NELL1: variants seen among roughly 807,000 people sequenced by gnomAD.
NELL1 encodes the protein neural EGFL like 1.
A neutral mutation model predicts 107.4 loss-of-function variants in NELL1; 76 were observed. The observed-to-expected ratio is 0.71, with a 90% confidence interval of 0.59 to 0.86. The LOEUF (loss-of-function observed/expected upper bound fraction) is 0.86, where lower values mean the gene tolerates loss of function less well. Among genes scored for constraint, NELL1 ranks in the 40% least tolerant of loss-of-function variants. The probability of loss-of-function intolerance (pLI) is 0.00; values close to 1 mark genes in which losing one functional copy is unlikely to be tolerated. For synonymous variants in NELL1, 353 were observed against 341.2 expected (o/e 1.03, Z -0.38); for missense variants, 1,024 against 1,005.5 (o/e 1.02, Z -0.25).
chr11:21,544,323 T>C lies in NELL1; in HGVS notation c.1786+9809T>C, dbSNP rs1476627172. Among the ~76,000 whole-genome samples, 6 of 152,112 alleles carry C rather than the reference T, an allele frequency of 3.9e-5. No individual in the cohort carries two copies. In the East Asian group the frequency reaches 7.8e-4, roughly 20 times the overall value. Reference sequence around the variant, plus strand: ...AGAAAATTTATACCATAGGGACTTTTAAATTCCATGTTGAAGACAAAAATA... The same window carrying C: ...AGAAAATTTATACCATAGGGACTTTCAAATTCCATGTTGAAGACAAAAATA... On this transcript the variant is annotated intron_variant, in intron 16 of 19. Coordinates refer to ENST00000357134, the MANE Select transcript of NELL1 (RefSeq NM_006157.5).
intron 13 of NELL1, among the ~76,000 whole-genome samples, chr11:21,157,997 C>T (rs1041505989): frequency 6.6e-6 from 1 of 152,092 alleles, no homozygotes; most frequent in Non-Finnish European, 1.5e-5. Flanking sequence ...GATGCAGACC[C>T]ATCTTCAGTC....
At chr11:20,755,563 T>TTTTTTTATTTATTTA (rs1856256444) in intron 2 of NELL1, among the ~76,000 whole-genome samples, 2 of 19,114 alleles carry the variant, frequency 1.0e-4, no homozygotes, top group Non-Finnish European at 2.8e-4. Context: ...TTTGTTTTTG[T>TTTTTTTATTTATTTA]TTTTTTTTTT....
At chr11:21,499,636 G>T (rs539356603) in intron 15 of NELL1, among the ~76,000 whole-genome samples, 1 of 152,052 alleles carries the variant, frequency 6.6e-6, no homozygotes, top group Non-Finnish European at 1.5e-5. Flanking sequence ...CAGGAGGAAG[G>T]CTCTCTGTAT....
intron 13 of NELL1, 127 bp downstream of exon 13, chr11:21,113,841 TCACCC>T: frequency 1.1e-6 from 1 of 916,196 alleles, no homozygotes; most frequent in Non-Finnish European, 1.6e-6. Flanking sequence ...CTTTATTACT[TCACCC>T]CACCTTTTGA....
At chr11:20,683,617 C>T (rs958652741) in intron 2 of NELL1, among the ~76,000 whole-genome samples, 4 of 152,156 alleles carry the variant, frequency 2.6e-5, no homozygotes, top group Admixed American at 1.3e-4. Context: ...CTTTCTTTAA[C>T]ATTTAACATT....
chr11:20,763,694 G>A (rs560807670), intron 2 of NELL1, among the ~76,000 whole-genome samples: 28 of 152,310 alleles, frequency 1.8e-4, no homozygotes, highest in African/African-American at 6.3e-4. Context: ...GTGCTCTGCC[G>A]AGCCACAGCG....
intron 14 of NELL1, 114 bp downstream of exon 14, chr11:21,229,568 T>A: frequency 1.4e-6 from 2 of 1,388,122 alleles, no homozygotes; most frequent in South Asian, 2.6e-5. Context: ...GGGTTCCTGC[T>A]CCTGGTTTAT....
intron 4 of NELL1, among the ~76,000 whole-genome samples, chr11:20,862,760 A>T (rs994899359): frequency 6.6e-6 from 1 of 152,086 alleles, no homozygotes; most frequent in African/African-American, 2.4e-5. Context: ...GGCCTTCCGC[A>T]GTGTTTGTGT....
rs752902718 is a variant in NELL1, at chr11:20,975,857, T to TATGTGTATTATATATACACATAC, written c.1300+15316_1300+15338dup. Among the ~76,000 whole-genome samples, 197 of 126,090 alleles carry TATGTGTATTATATATACACATAC rather than the reference T, an allele frequency of 1.6e-3. 3 individuals carry two copies. The highest frequency in any genetic ancestry group is 6.4e-3 in the East Asian group (27 of 4,192). 82.7% of individuals were successfully genotyped at this position (126,090 alleles called of 152,430 possible). On this transcript the variant is annotated intron_variant, in intron 12 of 19. Transcript: ENST00000357134. The stretch of plus-strand genomic sequence containing the variant: ...TACATATGTGTATTATATATACATA[T>TATGTGTATTATATATACACATAC]ATGTGTATTATATATACACATACAT...
At chr11:21,195,608 T>A (rs1857137059) in intron 13 of NELL1, among the ~76,000 whole-genome samples, 1 of 151,730 alleles carries the variant, frequency 6.6e-6, no homozygotes, top group South Asian at 2.1e-4. Context: ...AATTTTAAAG[T>A]ATTTTTAACC....
chr11:21,520,671 G>A (rs1855701807), intron 15 of NELL1, among the ~76,000 whole-genome samples: 1 of 152,128 alleles, frequency 6.6e-6, no homozygotes, highest in Admixed American at 6.5e-5. Context: ...GCAGGGTTAA[G>A]GTGTCACTTA....
intron 2 of NELL1, among the ~76,000 whole-genome samples, chr11:20,765,602 T>G (rs1856513049): frequency 6.6e-6 from 1 of 152,256 alleles, no homozygotes; most frequent in Non-Finnish European, 1.5e-5. Context: ...GAAAGTGTGT[T>G]TCAGGCAAAA....
chr11:21,434,730 A>G (rs1012889667), intron 15 of NELL1, among the ~76,000 whole-genome samples: 1 of 152,094 alleles, frequency 6.6e-6, no homozygotes, highest in Non-Finnish European at 1.5e-5. Flanking sequence ...TTCTGCTTTC[A>G]TAAAGAATGT....
At chr11:20,982,589 A>T (rs1851771450) in intron 12 of NELL1, among the ~76,000 whole-genome samples, 1 of 152,160 alleles carries the variant, frequency 6.6e-6, no homozygotes, top group African/African-American at 2.4e-5. Context: ...GAGATATAGG[A>T]TGTTATTCAT....
At position 20,981,956 on chromosome 11, in the gene NELL1, T is replaced by TTCTC. The variant is rs68140364; in HGVS notation, c.1300+21418_1300+21421dup. On this transcript the variant is annotated intron_variant, in intron 12 of 19. Transcript: ENST00000357134. The stretch of plus-strand genomic sequence containing the variant: ...ACAATGTCACCAGGGCTCTCTCTCT[T>TTCTC]TCTCTCTCTCTCTCTCTCTCTCTCT... Among the ~76,000 whole-genome samples the TTCTC allele has an allele frequency of 2.0e-3, 296 of 148,648 alleles. 1 individual carries two copies. The highest frequency in any genetic ancestry group is 0.01 in the Middle Eastern group (3 of 286).
chr11:21,080,216 G>A (rs536767938), intron 12 of NELL1, among the ~76,000 whole-genome samples: 424 of 151,770 alleles, frequency 2.8e-3, no homozygotes, highest in African/African-American at 9.7e-3. Flanking sequence ...TTTTTAAAAA[G>A]CAATACAGCA....
At chr11:21,247,466 A>C (rs752850709) in intron 14 of NELL1, among the ~76,000 whole-genome samples, 1 of 152,006 alleles carries the variant, frequency 6.6e-6, no homozygotes, top group Non-Finnish European at 1.5e-5. Context: ...TAAAATGAAG[A>C]CAAAAACACA....
At chr11:20,941,208 T>A (rs1850847541) in intron 10 of NELL1, among the ~76,000 whole-genome samples, 1 of 152,164 alleles carries the variant, frequency 6.6e-6, no homozygotes, top group Admixed American at 6.5e-5. Context: ...ACTAAACTAA[T>A]AGGTTAGTGG....
intron 12 of NELL1, among the ~76,000 whole-genome samples, chr11:21,067,488 A>T (rs928760585): frequency 8.5e-5 from 13 of 152,164 alleles, no homozygotes; most frequent in African/African-American, 3.1e-4. Context: ...TGGGAGGAAG[A>T]CAACTCACAG....
Sources: allele counts gnomAD v4.1 joint callset (sites outside exome capture counted in the v4.1 genomes callset), GRCh38; gene constraint gnomAD v4.1.1; transcripts MANE v1.5; gene names NCBI Gene and HGNC (gene_info 2026-07-23, HGNC 2026-07-21).